Variants in VWA8 observed in about 807,000 individuals in gnomAD.
The protein encoded by VWA8 is von Willebrand factor A domain-containing protein 8.
VWA8 carries 221 observed loss-of-function variants against 241.5 expected under a neutral mutation model. The observed-to-expected ratio is 0.91, with a 90% CI of 0.82 to 1.02. The LOEUF is 1.02. VWA8 is among the 50% of genes least tolerant of loss of function. The pLI is 0.00. For missense variants in VWA8, 2,322 were observed against 2,328.7 expected, an observed-to-expected ratio of 1.00 and a Z score of 0.06; for synonymous variants, 852 against 827.1, an observed-to-expected ratio of 1.03 and a Z score of -0.52.
At chr13:41,652,058 AATTGGGGCCAG>A (rs1172488611) in intron 37 of VWA8, among the ~76,000 whole-genome samples, 2 of 152,186 alleles carry the variant, frequency 1.3e-5, no homozygotes, top group Non-Finnish European at 2.9e-5. Flanking sequence ...GATAAGGCCA[AATTGGGGCCAG>A]ATTCTCACAT....
chr13:41,873,100 T>C (rs928993056), intron 9 of VWA8, among the ~76,000 whole-genome samples: 2 of 152,250 alleles, frequency 1.3e-5, no homozygotes, highest in African/African-American at 4.8e-5. Flanking sequence ...CATAACGAAA[T>C]GAAGGCAGAA....
intron 37 of VWA8, among the ~76,000 whole-genome samples, chr13:41,648,747 T>C (rs1415918478): frequency 1.3e-5 from 2 of 151,640 alleles, no homozygotes; most frequent in Admixed American, 6.6e-5. Context: ...CAATAACACA[T>C]AGAAGCACGG....
intron 37 of VWA8, among the ~76,000 whole-genome samples, chr13:41,668,696 C>T (rs1593685448): frequency 6.6e-6 from 1 of 152,082 alleles, no homozygotes; most frequent in Non-Finnish European, 1.5e-5. Flanking sequence ...ATTTACCAAG[C>T]AGGGAAGAAG....
chr13:41,790,053 A>T (rs1483896319), intron 17 of VWA8, among the ~76,000 whole-genome samples: 2 of 152,180 alleles, frequency 1.3e-5, no homozygotes, highest in African/African-American at 2.4e-5. Flanking sequence ...TATAAATGGA[A>T]CCAGACATTT....
intron 21 of VWA8, among the ~76,000 whole-genome samples, chr13:41,745,749 C>T (rs1478436439): frequency 2.0e-5 from 3 of 152,154 alleles, no homozygotes; most frequent in African/African-American, 7.2e-5. Flanking sequence ...AACACTTTTA[C>T]ACTGTTGGTG....
chr13:41,592,474 AAAAAT>A (rs200016975), intron 40 of VWA8, among the ~76,000 whole-genome samples: 46,204 of 148,638 alleles, frequency 0.31, 7,544 homozygotes, highest in Non-Finnish European at 0.39. Flanking sequence ...TAATAATAAA[AAAAAT>A]AAAATAAAAT....
intron 4 of VWA8, among the ~76,000 whole-genome samples, chr13:41,900,202 A>G (rs1875357818): frequency 6.6e-6 from 1 of 152,228 alleles, no homozygotes; most frequent in Non-Finnish European, 1.5e-5. Flanking sequence ...TTTAGGCTAG[A>G]TAGTTGGAAG....
intron 29 of VWA8, among the ~76,000 whole-genome samples, chr13:41,694,213 A>G (rs936169139): frequency 6.6e-6 from 1 of 152,036 alleles, no homozygotes; most frequent in African/African-American, 2.4e-5. Context: ...TGAATGATTC[A>G]TCTGCAAATC....
At chr13:41,921,450 G>A (rs1876530467) in intron 2 of VWA8, among the ~76,000 whole-genome samples, 2 of 152,120 alleles carry the variant, frequency 1.3e-5, no homozygotes, top group Non-Finnish European at 2.9e-5. Flanking sequence ...CAATCAGGCA[G>A]GAGAAAGAAA....
rs1389028448 is a variant in VWA8, at chr13:41,833,499, T to A, written c.1458A>T (p.Arg486Ser). The A allele has an allele frequency of 6.2e-7, 1 of 1,613,586 alleles. No homozygotes were observed. The highest frequency in any genetic ancestry group is 1.3e-5 in the African/African-American group (1 of 75,034). The change falls in exon 13 of 45, where the codon AGA (arginine) becomes AGT (serine). Residue 486 changes from arginine to serine, a missense_variant. Physicochemically the swap from Arg to Ser is moderately radical, Grantham distance 110. Transcript: ENST00000379310. The part of the protein sequence containing the change: ...DMTARDLLQQ[R>S]YTLPNGDTAW... ...CAGTGTCTCCATTTGGAAGGGTGTA[T>A]CTCTGCTGTAGCAGATCACGCGCTG...
intron 35 of VWA8, among the ~76,000 whole-genome samples, chr13:41,682,175 T>G (rs914918372): frequency 6.6e-5 from 10 of 152,072 alleles, no homozygotes; most frequent in Admixed American, 6.5e-4. Flanking sequence ...GATAGACACA[T>G]AGACCAATGG....
chr13:41,784,493 T>C (rs1869045929), intron 18 of VWA8, among the ~76,000 whole-genome samples: 1 of 151,450 alleles, frequency 6.6e-6, no homozygotes, highest in Non-Finnish European at 1.5e-5. Context: ...AGAGACCCTG[T>C]CTCTACAAAA....
chr13:41,886,794 C>T lies in VWA8; in HGVS notation c.853G>A (p.Val285Ile). 1 of 1,593,894 alleles carries T rather than the reference C, an allele frequency of 6.3e-7. No individual in the cohort carries two copies. The highest frequency in any genetic ancestry group is 8.5e-7 in the Non-Finnish European group (1 of 1,173,440). ...LKLLYSIGAN[V>I]SAEKVSQLLS... ...AAATATACTTACTTCTCAGCAGAAA[C>T]ATTGGCTCCAATTGAATATAACAAC... Residue 285 changes from valine (V) to isoleucine (I), a missense_variant, in exon 7 of 45, where the codon GTT becomes ATT. By Grantham distance (29) the Val-to-Ile change is conservative. Coordinates refer to ENST00000379310, the MANE Select transcript of VWA8 (RefSeq NM_015058.2).
intron 14 of VWA8, among the ~76,000 whole-genome samples, chr13:41,826,130 G>T (rs1871161094): frequency 6.6e-6 from 1 of 152,046 alleles, no homozygotes; most frequent in Non-Finnish European, 1.5e-5. Context: ...TTAAATTAAG[G>T]CTAAGTAAAG....
intron 1 of VWA8, among the ~76,000 whole-genome samples, chr13:41,954,453 A>G (rs6561023): frequency 0.35 from 53,900 of 151,900 alleles, 9,911 homozygotes; most frequent in African/African-American, 0.46. Context: ...AGCCTAGAAG[A>G]CCTTCCACAT....
intron 32 of VWA8, among the ~76,000 whole-genome samples, 163 bp from the exon 33 acceptor site, chr13:41,690,438 ACT>A (rs2045168729): frequency 6.6e-6 from 1 of 152,132 alleles, no homozygotes; most frequent in African/African-American, 2.4e-5. Flanking sequence ...ACTTCTCAAC[ACT>A]GTGTTAAAGA....
chr13:41,795,646 G>C (rs1233746939), intron 17 of VWA8, among the ~76,000 whole-genome samples: 2 of 152,150 alleles, frequency 1.3e-5, no homozygotes, highest in African/African-American at 4.8e-5. Context: ...CCTTTGCAGG[G>C]ACATGGATGG....
rs373906853 is a variant in VWA8, at chr13:41,615,052, T to C, written c.4644A>G (p.Val1548=). Residue 1548 remains valine, a synonymous_variant, in exon 38 of 45, where the codon GTA becomes GTG. Coordinates refer to ENST00000379310, the MANE Select transcript of VWA8 (RefSeq NM_015058.2). ...ITINRDSGED[V]SSPKHGKEDP... is the part of the protein sequence containing the mutation. ...CCTCCTTCCCGTGTTTGGGGGAGCT[T>C]ACATCTTCACCACTGTCTCTGTTGA... The C allele has an allele frequency of 3.9e-5, 63 of 1,613,864 alleles. No homozygotes were observed. In the East Asian group the frequency reaches 1.3e-3, roughly 34 times the overall value.
intron 20 of VWA8, among the ~76,000 whole-genome samples, chr13:41,769,095 C>A (rs953279059): frequency 6.6e-6 from 1 of 152,120 alleles, no homozygotes; most frequent in African/African-American, 2.4e-5. Context: ...TCCGTAGAGA[C>A]AGTATTTTAC....
Sources: gnomAD v4.1 joint callset for allele counts (sites outside exome capture counted in the v4.1 genomes callset) on GRCh38, gnomAD v4.1.1 for gene constraint, MANE v1.5 for transcripts, NCBI Gene and HGNC (gene_info 2026-07-23, HGNC 2026-07-21) for gene names.